Variants in C11orf54 observed in about 807,000 individuals in gnomAD.
The protein encoded by C11orf54 is beta-keto-L-gulonate decarboxylase.
Under a neutral mutation model 35.5 loss-of-function variants are expected in C11orf54, and 29 were observed. That is an observed-to-expected ratio of 0.82 (90% CI 0.61 to 1.11). The LOEUF is 1.11. Among genes scored for constraint, C11orf54 ranks in the 50% most tolerant of loss-of-function variants. C11orf54 has a pLI of 0.00. For synonymous variants in C11orf54, 108 were observed against 121.1 expected (o/e 0.89, Z 0.71); for missense variants, 373 against 369.2 (o/e 1.01, Z -0.08).
intron 5 of C11orf54, 35 bp from the exon 6 acceptor site, chr11:93,755,175 A>G: frequency 6.3e-7 from 1 of 1,588,294 alleles, no homozygotes; most frequent in Non-Finnish European, 8.6e-7. Flanking sequence ...TTGCAGAGAT[A>G]CAAAGATTGA....
intron 6 of C11orf54, among the ~76,000 whole-genome samples, chr11:93,756,051 C>T (rs1943125717): frequency 6.7e-6 from 1 of 149,086 alleles, no homozygotes; most frequent in Non-Finnish European, 1.5e-5. Flanking sequence ...CCTGTAGTCC[C>T]AGCTACTTGG....
intron 7 of C11orf54, among the ~76,000 whole-genome samples, chr11:93,758,867 G>C (rs900547254): frequency 3.3e-5 from 5 of 152,218 alleles, no homozygotes; most frequent in African/African-American, 7.2e-5. Context: ...CCACTTTCGG[G>C]CCAGGGAAGG....
At chr11:93,745,125 A>G (rs1372056133) in intron 1 of C11orf54, among the ~76,000 whole-genome samples, 2 of 152,164 alleles carry the variant, frequency 1.3e-5, no homozygotes, top group Non-Finnish European at 1.5e-5. Flanking sequence ...GTTTTCTCCT[A>G]TCTCAGAATA....
rs2135693829 is a variant in C11orf54 at position 93,763,346 on chromosome 11, C to A, written c.*1658C>A. On this transcript the variant is annotated 3_prime_UTR_variant, in exon 9 of 9. Coordinates refer to ENST00000354421, the MANE Select transcript of C11orf54 (RefSeq NM_001286069.2). ...ATAATATGTCAGGTGGTATTAAATGCTATGAAAAGAAAGGAGTAGATGGAC... is the reference window on the plus strand; with the variant it reads ...ATAATATGTCAGGTGGTATTAAATGATATGAAAAGAAAGGAGTAGATGGAC... 1 of 152,230 alleles carries A rather than the reference C, an allele frequency of 6.6e-6. No homozygotes were observed. 9.4% of individuals were successfully genotyped at this position (152,230 alleles called of 1,614,324 possible).
chr11:93,754,777 A>G (rs2135636802), intron 5 of C11orf54: 1 of 121,488 alleles, frequency 8.2e-6, no homozygotes, highest in African/African-American at 3.2e-5. Flanking sequence ...CTCTGTCGCC[A>G]TGCTGGAGTG....
At chr11:93,742,073 T>A (rs1332928307) in intron 1 of C11orf54, 1 of 153,818 alleles carries the variant, frequency 6.5e-6, no homozygotes, top group Non-Finnish European at 1.4e-5. Context: ...CCAGGTCTCC[T>A]CCCCACTTTT....
At chr11:93,743,654 C>A (rs78999810) in intron 1 of C11orf54, among the ~76,000 whole-genome samples, 2 of 152,156 alleles carry the variant, frequency 1.3e-5, no homozygotes, top group African/African-American at 4.8e-5. Flanking sequence ...GGGATGCCCG[C>A]GACCCCTGAA....
chr11:93,755,471 T>A, intron 6 of C11orf54, 85 bp downstream of exon 6: 3 of 1,460,506 alleles, frequency 2.1e-6, no homozygotes, highest in Non-Finnish European at 2.8e-6. Flanking sequence ...AAATATGGTT[T>A]TGCTAAGAAA....
At chr11:93,745,279 G>A (rs756694809) in intron 1 of C11orf54, among the ~76,000 whole-genome samples, 9 of 152,052 alleles carry the variant, frequency 5.9e-5, no homozygotes, top group African/African-American at 1.9e-4. Flanking sequence ...CCCTTCCCAC[G>A]AGGCCATATC....
At chr11:93,758,811 G>A (rs1412055977) in intron 7 of C11orf54, among the ~76,000 whole-genome samples, 1 of 152,256 alleles carries the variant, frequency 6.6e-6, no homozygotes, top group African/African-American at 2.4e-5. Context: ...GGCAGCAGGA[G>A]GCAGACAGGT....
In C11orf54 at chr11:93,747,440, T is replaced by C. The variant is rs988431578; in HGVS notation, c.47T>C (p.Leu16Pro). Residue 16 changes from leucine (L) to proline (P), a missense_variant, in exon 2 of 9, where the codon CTT becomes CCT. Coordinates refer to ENST00000354421, the MANE Select transcript of C11orf54 (RefSeq NM_001286069.2). Reference sequence around the variant, plus strand: ...TTTCATGTACCAAGTCTTGAAGAGCTTGCTGGAGGTAAAAACAATATTAAC... The same window carrying C: ...TTTCATGTACCAAGTCTTGAAGAGCCTGCTGGAGGTAAAAACAATATTAAC... ...FSFHVPSLEE[L>P]AGVMQKGLKD... 5 of 1,591,770 alleles carry C rather than the reference T, an allele frequency of 3.1e-6. No individual in the cohort carries two copies. The highest frequency in any genetic ancestry group is 4.3e-6 in the Non-Finnish European group (5 of 1,172,296).
Position 93,761,726 on chromosome 11 carries a change from GTTAA to G in C11orf54, c.*45_*48del, listed in dbSNP as rs755628191. 106 of 1,506,378 alleles carry G rather than the reference GTTAA, an allele frequency of 7.0e-5. 1 individual carries two copies. The Middle Eastern group carries it at 8.7e-4, about 12-fold the overall frequency. 93.3% of individuals were successfully genotyped at this position (1,506,378 alleles called of 1,614,324 possible). A position where few individuals can be genotyped will look rare whatever the true frequency, so the allele number is the denominator to read the frequency against. On this transcript the variant is annotated 3_prime_UTR_variant, in exon 9 of 9. Coordinates refer to ENST00000354421, the MANE Select transcript of C11orf54 (RefSeq NM_001286069.2). ...TTATTTAGAAAAAGAAATAATTAAG[GTTAA>G]TTAATTGATTGACTTATTAATTAAT...
chr11:93,761,412 C>T, intron 8 of C11orf54, 103 bp from the exon 9 acceptor site: 1 of 1,053,532 alleles, frequency 9.5e-7, no homozygotes, highest in East Asian at 2.5e-5. Context: ...AATGTATTAC[C>T]TATTTAAAAA....
chr11:93,749,449 T>C (rs1454958373), intron 2 of C11orf54, among the ~76,000 whole-genome samples: 2 of 135,544 alleles, frequency 1.5e-5, no homozygotes, highest in Non-Finnish European at 3.1e-5. Flanking sequence ...TGCATACCAC[T>C]GCACTCCAGT....
chr11:93,754,162 T>C lies in C11orf54; in HGVS notation c.330+125T>C, dbSNP rs550738169. 47 of 757,088 alleles carry C rather than the reference T, an allele frequency of 6.2e-5. No individual in the cohort carries two copies. The Admixed American group carries it at 1.2e-3, about 19-fold the overall frequency. 46.9% of individuals were successfully genotyped at this position (757,088 alleles called of 1,614,324 possible). On this transcript the variant is annotated intron_variant, in intron 5 of 8. Transcript: ENST00000354421. ...AATCTCTCTGCAGGTTTGATACTACTTGATGTAGATTTCTGCTATAGCACA... is the reference window on the plus strand; with the variant it reads ...AATCTCTCTGCAGGTTTGATACTACCTGATGTAGATTTCTGCTATAGCACA...
At chr11:93,751,820 CTTTTTTT>C (rs35146074) in intron 3 of C11orf54, among the ~76,000 whole-genome samples, 1 of 80,228 alleles carries the variant, frequency 1.2e-5, no homozygotes. Context: ...AATGGTTAAT[CTTTTTTT>C]TTTTTTTTTT....
In C11orf54 at chr11:93,763,963, T is replaced by A. The variant is rs1289718049; in HGVS notation, c.*2275T>A. 2 of 152,220 alleles carry A rather than the reference T, an allele frequency of 1.3e-5. No individual in the cohort carries two copies. Among genetic ancestry groups the A allele is most frequent in the African/African-American group, 4.8e-5 (2 of 41,446 alleles). The allele number at this position is 152,220 out of a possible 1,614,324, so 9.4% of individuals were successfully genotyped here. A position where few individuals can be genotyped will look rare whatever the true frequency, so the allele number is the denominator to read the frequency against. On this transcript the variant is annotated 3_prime_UTR_variant, in exon 9 of 9. Transcript: ENST00000354421. ...CTTGCATGTGGTTTGAATTTCCCAC[T>A]GGTATCAAAGAAGGAAACACCCAGG...
Position 93,762,520 on chromosome 11 carries a change from C to G in C11orf54, c.*832C>G, listed in dbSNP as rs2135690664. On this transcript the variant is annotated 3_prime_UTR_variant, in exon 9 of 9. Coordinates refer to ENST00000354421, the MANE Select transcript of C11orf54 (RefSeq NM_001286069.2). ...GGGCATGGTGGCTGAAGCCTGTGATCCCAGCATGTTGGGAGGCCGAGTGGG... is the reference window on the plus strand; with the variant it reads ...GGGCATGGTGGCTGAAGCCTGTGATGCCAGCATGTTGGGAGGCCGAGTGGG... The G allele has an allele frequency of 6.6e-6, 1 of 152,270 alleles. No homozygotes were observed. The highest frequency in any genetic ancestry group is 1.5e-5 in the Non-Finnish European group (1 of 68,032). 9.4% of individuals were successfully genotyped at this position (152,270 alleles called of 1,614,324 possible).
chr11:93,748,492 G>T (rs1021304519), intron 2 of C11orf54, among the ~76,000 whole-genome samples: 3 of 151,910 alleles, frequency 2.0e-5, no homozygotes, highest in Admixed American at 6.6e-5. Flanking sequence ...TTTCACTTTT[G>T]TGTTTGTTTC....
Sources: allele counts gnomAD v4.1 joint callset (sites outside exome capture counted in the v4.1 genomes callset), GRCh38; gene constraint gnomAD v4.1.1; transcripts MANE v1.5; gene names NCBI Gene and HGNC (gene_info 2026-07-23, HGNC 2026-07-21).